KLHL9: variants seen among roughly 807,000 people sequenced by gnomAD.
The protein encoded by KLHL9 is kelch like family member 9, also known as kelch-like protein 9.
In KLHL9, 27 loss-of-function variants were observed where a neutral mutation model predicts 42.3. The ratio of observed to expected loss-of-function variants is 0.64; its 90% CI spans 0.47 to 0.88. KLHL9 has a LOEUF of 0.88. Ranked by LOEUF, KLHL9 falls within the 40% of genes least tolerant of loss-of-function variation. The pLI, the probability that KLHL9 is intolerant of heterozygous loss-of-function variation, is 0.00. For synonymous variants in KLHL9, 274 were observed against 254.4 expected (o/e 1.08, Z -0.73); for missense variants, 629 against 750.3 (o/e 0.84, Z 1.89).
chr9:21,330,082 G>A lies in KLHL9; in HGVS notation c.*2924C>T, dbSNP rs1820144125. The A allele has an allele frequency of 2.6e-5, 4 of 152,178 alleles. No homozygotes were observed. The South Asian group carries it at 8.3e-4, about 32-fold the overall frequency. 9.4% of individuals were successfully genotyped at this position (152,178 alleles called of 1,614,324 possible). A position where few individuals can be genotyped will look rare whatever the true frequency, so the allele number is the denominator to read the frequency against. On this transcript the variant is annotated 3_prime_UTR_variant, in exon 1 of 1. Coordinates refer to ENST00000359039, the MANE Select transcript of KLHL9 (RefSeq NM_018847.4). ...AATTTCTCTCTATAAGAAACTCCAG[G>A]TTTAATGAGCAGTACAGATTGAATA...
Position 21,333,603 on chromosome 9 carries a change from G to A in KLHL9, c.1257C>T (p.Tyr419=). The change falls in exon 1 of 1, where the codon TAC becomes TAT. Residue 419 remains tyrosine (Y), a synonymous_variant. Coordinates refer to ENST00000359039, the MANE Select transcript of KLHL9 (RefSeq NM_018847.4). This position sits in a 1 kb window ranked among gnomAD's most constrained non-coding sequence, Gnocchi z 7.5. ...AGCTCCACTCATTCATTCTTGGGTT[G>A]TAACATTCTACTGTGGCCAGTTCAC... ...AAGELATVEC[Y]NPRMNEWSYV... 2 of 1,614,202 alleles carry A rather than the reference G, an allele frequency of 1.2e-6. No homozygotes were observed. Among genetic ancestry groups the A allele is most frequent in the Non-Finnish European group, 1.7e-6 (2 of 1,180,042 alleles).
At position 21,332,936 on chromosome 9, in the gene KLHL9, T is replaced by G; in HGVS notation, c.*70A>C. ...TATCTAATAACTGTACCAATCACTG[T>G]AAGAAGATACAACTGAAGGGGAAGT... is the stretch of plus-strand genomic sequence containing the variant. On this transcript the variant is annotated 3_prime_UTR_variant, in exon 1 of 1. Coordinates refer to ENST00000359039, the MANE Select transcript of KLHL9 (RefSeq NM_018847.4). The G allele has an allele frequency of 3.7e-6, 6 of 1,607,320 alleles. No individual in the cohort carries two copies. Among genetic ancestry groups the G allele is most frequent in the Non-Finnish European group, 5.1e-6 (6 of 1,176,026 alleles).
rs1032343775 is a variant in KLHL9, at chr9:21,329,712, CT to C, written c.*3293del. The C allele has an allele frequency of 6.0e-5, 9 of 151,088 alleles. No individual in the cohort carries two copies. The highest frequency in any genetic ancestry group is 2.2e-4 in the African/African-American group (9 of 41,150). The allele number at this position is 151,088 out of a possible 1,614,324, so 9.4% of individuals were successfully genotyped here. ...TTATTTTCATTATCCAGCTTTTAGC[CT>C]AAGGTCTGGCATACTTGAAAAATAT... On this transcript the variant is annotated 3_prime_UTR_variant, in exon 1 of 1. Coordinates refer to ENST00000359039, the MANE Select transcript of KLHL9 (RefSeq NM_018847.4).
chr9:21,333,519 T>G lies in KLHL9; in HGVS notation c.1341A>C (p.Leu447Phe). The G allele has an allele frequency of 6.2e-7, 1 of 1,614,198 alleles. No homozygotes were observed. Among genetic ancestry groups the G allele is most frequent in the South Asian group, 1.1e-5 (1 of 91,080 alleles). The change falls in exon 1 of 1, where the codon TTA (leucine) becomes TTC (phenylalanine). Residue 447 changes from leucine (L) to phenylalanine (F), a missense_variant. By Grantham distance (22) the Leu-to-Phe change is conservative (BLOSUM62 0). This residue lies in a region of KLHL9 where 214 missense variants were observed against 305.8 expected (regional missense o/e 0.70). Coordinates refer to ENST00000359039, the MANE Select transcript of KLHL9 (RefSeq NM_018847.4). The surrounding 1 kb of genome is among the most constrained non-coding windows in gnomAD (Gnocchi z 7.5). ...YGHAGTVYGG[L>F]MYISGGITHD... ...GGGTAATTCCTCCTGAAATATACAT[T>G]AAGCCTCCATATACTGTTCCAGCAT...
chr9:21,333,392 T>C lies in KLHL9; in HGVS notation c.1468A>G (p.Thr490Ala). ...TTVRGLHCMC[T>A]VGDKLYVIGG... ...ATGACATAGAGCTTATCTCCAACTG[T>C]ACACATGCAATGCAGACCTCTGACT... Residue 490 changes from threonine (T) to alanine (A), a missense_variant, in exon 1 of 1, where the codon ACA becomes GCA. By Grantham distance (58) the Thr-to-Ala change is moderately conservative. Around this residue, in one of 4 missense-constraint regions of KLHL9, gnomAD observed 214 missense variants for 305.8 expected, o/e 0.70. Coordinates refer to ENST00000359039, the MANE Select transcript of KLHL9 (RefSeq NM_018847.4). The surrounding 1 kb of genome is among the most constrained non-coding windows in gnomAD (Gnocchi z 7.5). The C allele has an allele frequency of 6.2e-7, 1 of 1,614,210 alleles. No individual in the cohort carries two copies. Among genetic ancestry groups the C allele is most frequent in the East Asian group, 2.2e-5 (1 of 44,888 alleles).
rs541441825 is a variant in KLHL9, at chr9:21,334,329, G to A, written c.531C>T (p.Ile177=). 474 of 1,613,780 alleles carry A rather than the reference G, an allele frequency of 2.9e-4. 5 individuals are homozygous for A. The South Asian group carries it at 5.0e-3, about 17-fold the overall frequency. The change falls in exon 1 of 1, where the codon ATC becomes ATT. Residue 177 remains isoleucine, a synonymous_variant. Transcript: ENST00000359039. The surrounding 1 kb of genome is among the most constrained non-coding windows in gnomAD (Gnocchi z 5.1). Reference sequence around the variant, plus strand: ...TCAATAAAGCAGGAAAGTTCTTCAGGATGAAATTATTAACATATTTATCCA... The same window carrying A: ...TCAATAAAGCAGGAAAGTTCTTCAGAATGAAATTATTAACATATTTATCCA... ...IEVDKYVNNF[I]LKNFPALLST... is the part of the protein sequence containing the mutation.
Position 21,330,880 on chromosome 9 carries a change from G to A in KLHL9, c.*2126C>T, listed in dbSNP as rs997957435. 1 of 151,394 alleles carries A rather than the reference G, an allele frequency of 6.6e-6. No homozygotes were observed. Among genetic ancestry groups the A allele is most frequent in the African/African-American group, 2.4e-5 (1 of 41,048 alleles). The allele number at this position is 151,394 out of a possible 1,614,324, so 9.4% of individuals were successfully genotyped here. The stretch of plus-strand genomic sequence containing the variant: ...AGAGGTTTCAGTGAGCACACATCGT[G>A]CCATTGCACTCCAGACTGCACAACA... On this transcript the variant is annotated 3_prime_UTR_variant, in exon 1 of 1. Transcript: ENST00000359039.
In KLHL9 at chr9:21,334,173, C is replaced by T; in HGVS notation, c.687G>A (p.Arg229=). 2 of 1,614,182 alleles carry T rather than the reference C, an allele frequency of 1.2e-6. No individual in the cohort carries two copies. Among genetic ancestry groups the T allele is most frequent in the Non-Finnish European group, 1.7e-6 (2 of 1,180,048 alleles). ...ACRWLRLEDP[R]MDYAAKLMKN... ...TCATTAACTTTGCAGCATAATCCAT[C>T]CGAGGGTCTTCCAACCTTAGCCAGC... The change falls in exon 1 of 1, where the codon CGG becomes CGA. Residue 229 remains arginine (R), a synonymous_variant. Coordinates refer to ENST00000359039, the MANE Select transcript of KLHL9 (RefSeq NM_018847.4). This position sits in a 1 kb window ranked among gnomAD's most constrained non-coding sequence, Gnocchi z 5.1.
At position 21,333,599 on chromosome 9, in the gene KLHL9, G is replaced by T; in HGVS notation, c.1261C>A (p.Pro421Thr). 6.2e-7 allele frequency: 1 copy of T among 1,614,152 alleles called. No individual in the cohort carries two copies. The highest frequency in any genetic ancestry group is 8.5e-7 in the Non-Finnish European group (1 of 1,180,024). Reference sequence around the variant, plus strand: ...ACATAGCTCCACTCATTCATTCTTGGGTTGTAACATTCTACTGTGGCCAGT... The same window carrying T: ...ACATAGCTCCACTCATTCATTCTTGTGTTGTAACATTCTACTGTGGCCAGT... Reference protein sequence around the residue: ...GELATVECYNPRMNEWSYVAK... With the variant: ...GELATVECYNTRMNEWSYVAK... The change falls in exon 1 of 1, where the codon CCA becomes ACA. Residue 421 changes from proline (P) to threonine (T), a missense_variant. By Grantham distance (38) the Pro-to-Thr change is conservative. Transcript: ENST00000359039. This position sits in a 1 kb window ranked among gnomAD's most constrained non-coding sequence, Gnocchi z 7.5.
Position 21,330,983 on chromosome 9 carries a change from T to C in KLHL9, c.*2023A>G, listed in dbSNP as rs1820159644. 6.6e-6 allele frequency: 1 copy of C among 151,560 alleles called. No homozygotes were observed. The allele number at this position is 151,560 out of a possible 1,614,324, so 9.4% of individuals were successfully genotyped here. A position where few individuals can be genotyped will look rare whatever the true frequency, so the allele number is the denominator to read the frequency against. On this transcript the variant is annotated 3_prime_UTR_variant, in exon 1 of 1. Coordinates refer to ENST00000359039, the MANE Select transcript of KLHL9 (RefSeq NM_018847.4). ...CTGAACAGCGTTGCCTTTGTAAAAC[T>C]ACAACAGATTGAGGGAAGAAATAAA...
Position 21,332,795 on chromosome 9 carries a change from C to G in KLHL9, c.*211G>C. On this transcript the variant is annotated 3_prime_UTR_variant, in exon 1 of 1. Transcript: ENST00000359039. ...AAAAAGACATCTAAACATTTTTCTACGTCTTTTTTTCATTTGTTAAAACAG... is the reference window on the plus strand; with the variant it reads ...AAAAAGACATCTAAACATTTTTCTAGGTCTTTTTTTCATTTGTTAAAACAG... The G allele has an allele frequency of 1.5e-6, 1 of 656,870 alleles. No individual in the cohort carries two copies. The highest frequency in any genetic ancestry group is 3.5e-5 in the Admixed American group (1 of 28,256). 40.7% of individuals were successfully genotyped at this position (656,870 alleles called of 1,614,324 possible).
Position 21,334,239 on chromosome 9 carries a change from A to C in KLHL9, c.621T>G (p.Leu207=), listed in dbSNP as rs761034796. 6.2e-6 allele frequency: 10 copies of C among 1,614,038 alleles called. No homozygotes were observed. In the East Asian group the frequency reaches 2.0e-4, roughly 32 times the overall value. ...RLAFVLSSNS[L]KHCTELELFK... The stretch of plus-strand genomic sequence containing the variant: ...AGAGTTCAAGTTCGGTACAGTGCTT[A>C]AGACTATTACTGGAAAGCACAAATG... Residue 207 remains leucine, a synonymous_variant, in exon 1 of 1, where the codon CTT becomes CTG. Transcript: ENST00000359039. This position sits in a 1 kb window ranked among gnomAD's most constrained non-coding sequence, Gnocchi z 5.1.
At position 21,334,799 on chromosome 9, in the gene KLHL9, C is replaced by A. The variant is rs781577960; in HGVS notation, c.61G>T (p.Ala21Ser). 26 of 1,613,232 alleles carry A rather than the reference C, an allele frequency of 1.6e-5. No homozygotes were observed. The South Asian group carries it at 2.4e-4, about 15-fold the overall frequency. ...GVSAHLQPCKAGTTRFFTSNT... is the reference protein window; with the variant it reads ...GVSAHLQPCKSGTTRFFTSNT... ...CTGGTAAAAAAGCGTGTGGTTCCTG[C>A]CTTACAAGGCTGCAAATGGGCAGAG... The change falls in exon 1 of 1, where the codon GCA (alanine) becomes TCA (serine). Residue 21 changes from alanine (A) to serine (S), a missense_variant. Ala to Ser is a moderately conservative substitution (Grantham distance 99). Transcript: ENST00000359039. The surrounding 1 kb of genome is among the most constrained non-coding windows in gnomAD (Gnocchi z 5.1).
chr9:21,335,099 G>A lies in KLHL9; in HGVS notation c.-240C>T, dbSNP rs918548281. 6 of 570,632 alleles carry A rather than the reference G, an allele frequency of 1.1e-5. No individual in the cohort carries two copies. In the Admixed American group the frequency reaches 1.8e-4, roughly 17 times the overall value. The allele number at this position is 570,632 out of a possible 1,614,324, so 35.3% of individuals were successfully genotyped here. The stretch of plus-strand genomic sequence containing the variant: ...TTATTAGACAGATGATTCATCACCT[G>A]AAGGCGGTTAAATGACCTGGTTCAC... On this transcript the variant is annotated 5_prime_UTR_variant, in exon 1 of 1. Transcript: ENST00000359039.
Position 21,334,821 on chromosome 9 carries a change from A to T in KLHL9, c.39T>A (p.Ser13=). Residue 13 remains serine, a synonymous_variant, in exon 1 of 1, where the codon TCT becomes TCA. Coordinates refer to ENST00000359039, the MANE Select transcript of KLHL9 (RefSeq NM_018847.4). This position sits in a 1 kb window ranked among gnomAD's most constrained non-coding sequence, Gnocchi z 5.1. ...VSLGNGEMGV[S]AHLQPCKAGT... ...CTGCCTTACAAGGCTGCAAATGGGC[A>T]GAGACGCCCATTTCGCCGTTACCAA... 1.2e-6 allele frequency: 2 copies of T among 1,613,944 alleles called. No individual in the cohort carries two copies. The highest frequency in any genetic ancestry group is 1.7e-6 in the Non-Finnish European group (2 of 1,179,880).
At position 21,332,733 on chromosome 9, in the gene KLHL9, A is replaced by G. The variant is rs1360765228; in HGVS notation, c.*273T>C. 7.1e-6 allele frequency: 3 copies of G among 421,512 alleles called. No individual in the cohort carries two copies. Among genetic ancestry groups the G allele is most frequent in the Non-Finnish European group, 1.3e-5 (3 of 239,964 alleles). 26.1% of individuals were successfully genotyped at this position (421,512 alleles called of 1,614,324 possible). On this transcript the variant is annotated 3_prime_UTR_variant, in exon 1 of 1. Transcript: ENST00000359039. ...TGAAGCATAATGGACATAATTACAC[A>G]TTTACCACAGTCATCTACAATTTTA...
At position 21,333,383 on chromosome 9, in the gene KLHL9, C is replaced by T. The variant is rs1431833699; in HGVS notation, c.1477G>A (p.Asp493Asn). 1.2e-6 allele frequency: 2 copies of T among 1,614,094 alleles called. No homozygotes were observed. Among genetic ancestry groups the T allele is most frequent in the Non-Finnish European group, 8.5e-7 (1 of 1,180,036 alleles). Residue 493 changes from aspartate to asparagine, a missense_variant, in exon 1 of 1, where the codon GAT (aspartate) becomes AAT (asparagine). Physicochemically the swap from Asp to Asn is conservative, Grantham distance 23. Around this residue, in one of 4 missense-constraint regions of KLHL9, gnomAD observed 214 missense variants for 305.8 expected, o/e 0.70. Coordinates refer to ENST00000359039, the MANE Select transcript of KLHL9 (RefSeq NM_018847.4). The surrounding 1 kb of genome is among the most constrained non-coding windows in gnomAD (Gnocchi z 7.5). ...TTGCCACCAATGACATAGAGCTTAT[C>T]TCCAACTGTACACATGCAATGCAGA... is the stretch of plus-strand genomic sequence containing the variant. The part of the protein sequence containing the change: ...RGLHCMCTVG[D>N]KLYVIGGNHF...
rs1010606753 is a variant in KLHL9 at position 21,334,596 on chromosome 9, T to C, written c.264A>G (p.Gln88=). 6.2e-7 allele frequency: 1 copy of C among 1,614,076 alleles called. No homozygotes were observed. The highest frequency in any genetic ancestry group is 8.5e-7 in the Non-Finnish European group (1 of 1,180,032). ...CATGAAGCTTAATGCACATCAAATCTTGTTCTTTCATTCCACCTGTGAACA... is the reference window on the plus strand; with the variant it reads ...CATGAAGCTTAATGCACATCAAATCCTGTTCTTTCATTCCACCTGTGAACA... ...KAMFTGGMKE[Q]DLMCIKLHGV... is the part of the protein sequence containing the mutation. The change falls in exon 1 of 1, where the codon CAA becomes CAG. Residue 88 remains glutamine, a synonymous_variant. Coordinates refer to ENST00000359039, the MANE Select transcript of KLHL9 (RefSeq NM_018847.4). This position sits in a 1 kb window ranked among gnomAD's most constrained non-coding sequence, Gnocchi z 5.1.
rs113124901 is a variant in KLHL9 at position 21,332,160 on chromosome 9, C to T, written c.*846G>A. ...CAGAAAACAGTAATGTAAGCTTCAT[C>T]TGAAGTAACGGTTTAGTCACATGAC... On this transcript the variant is annotated 3_prime_UTR_variant, in exon 1 of 1. Coordinates refer to ENST00000359039, the MANE Select transcript of KLHL9 (RefSeq NM_018847.4). 1 of 152,550 alleles carries T rather than the reference C, an allele frequency of 6.6e-6. No individual in the cohort carries two copies. Among genetic ancestry groups the T allele is most frequent in the Non-Finnish European group, 1.5e-5 (1 of 68,044 alleles). The allele number at this position is 152,550 out of a possible 1,614,324, so 9.4% of individuals were successfully genotyped here.
Sources: gnomAD v4.1 joint callset for allele counts on GRCh38, gnomAD v4.1.1 for gene constraint, gnomAD v4.1.1 regional missense constraint, Gnocchi (gnomAD v3.1) non-coding constraint, MANE v1.5 for transcripts, NCBI Gene and HGNC (gene_info 2026-07-23, HGNC 2026-07-21) for gene names.